Variants in WDR43 observed in about 807,000 individuals in gnomAD.
WDR43 encodes the protein WD repeat domain 43, also known as WD repeat-containing protein 43.
In WDR43, 13 loss-of-function variants were observed where a neutral mutation model predicts 91.4. The observed-to-expected ratio is 0.14, with a 90% confidence interval of 0.09 to 0.23. The LOEUF (loss-of-function observed/expected upper bound fraction) is 0.23, where lower values mean the gene tolerates loss of function less well. Among genes scored for constraint, WDR43 ranks in the 10% least tolerant of loss-of-function variants. The pLI is 1.00. For synonymous variants in WDR43, 331 were observed against 287.9 expected (o/e 1.15, Z -1.51); for missense variants, 780 against 809.4 (o/e 0.96, Z 0.44).
rs1185110353 is a variant in WDR43, at chr2:28,894,691, G to A, written c.-8G>A. The stretch of plus-strand genomic sequence containing the variant: ...CGAACACGTGGCTGCAGCGGGGCCA[G>A]AGCAGCAATGGCGGCGGGCGGCGGC... On this transcript the variant is annotated 5_prime_UTR_variant, in exon 1 of 18. Coordinates refer to ENST00000407426, the MANE Select transcript of WDR43 (RefSeq NM_015131.3). 4.5e-6 allele frequency: 7 copies of A among 1,556,932 alleles called. No individual in the cohort carries two copies. The highest frequency in any genetic ancestry group is 1.7e-6 in the Non-Finnish European group (2 of 1,150,794).
At chr2:28,942,477 C>A in intron 16 of WDR43, 96 bp downstream of exon 16, 1 of 1,319,540 alleles carries the variant, frequency 7.6e-7, no homozygotes, top group Admixed American at 2.1e-5. Context: ...AACATAAGAT[C>A]TTCCTTTGGC....
intron 1 of WDR43, 61 bp downstream of exon 1, chr2:28,894,984 G>A (rs1670447695): frequency 7.1e-7 from 1 of 1,417,776 alleles, no homozygotes; most frequent in Admixed American, 2.9e-5. Context: ...GGGCCTCCGG[G>A]CCGGGTGGCG....
chr2:28,913,613 T>G (rs1215199038), intron 4 of WDR43: 3 of 517,020 alleles, frequency 5.8e-6, no homozygotes, highest in African/African-American at 5.8e-5. Context: ...GATTTAGTAT[T>G]ATATTTTTGG....
intron 3 of WDR43, among the ~76,000 whole-genome samples, chr2:28,908,030 CAGAT>C (rs1054495685): frequency 6.6e-6 from 1 of 152,176 alleles, no homozygotes; most frequent in Non-Finnish European, 1.5e-5. Context: ...GCAGAGAAGG[CAGAT>C]AGATTGTTAC....
chr2:28,899,915 A>G (rs993625489), intron 1 of WDR43, among the ~76,000 whole-genome samples: 1 of 152,240 alleles, frequency 6.6e-6, no homozygotes, highest in African/African-American at 2.4e-5. Flanking sequence ...AAAGTTGGTC[A>G]TAAATGCTGT....
At chr2:28,901,099 C>T (rs1184376105) in intron 1 of WDR43, among the ~76,000 whole-genome samples, 1 of 152,090 alleles carries the variant, frequency 6.6e-6, no homozygotes, top group Non-Finnish European at 1.5e-5. Flanking sequence ...AGAAGATATT[C>T]TCTTTTCTAT....
At chr2:28,917,306 A>G (rs1470609789) in intron 5 of WDR43, among the ~76,000 whole-genome samples, 2 of 152,324 alleles carry the variant, frequency 1.3e-5, no homozygotes, top group Admixed American at 6.5e-5. Flanking sequence ...CTTTGCAAAT[A>G]AGGAATCCAT....
At position 28,894,796 on chromosome 2, in the gene WDR43, C is replaced by G. The variant is rs1191600651; in HGVS notation, c.98C>G (p.Ser33Cys). 6.2e-7 allele frequency: 1 copy of G among 1,609,954 alleles called. No homozygotes were observed. The highest frequency in any genetic ancestry group is 8.5e-7 in the Non-Finnish European group (1 of 1,178,368). Residue 33 changes from serine to cysteine, a missense_variant, in exon 1 of 18, where the codon TCT becomes TGT. Transcript: ENST00000407426. ...PHSQAYFALA[S>C]TDGHLRVWET... ...AGCCAGGCCTACTTCGCTTTGGCCT[C>G]TACCGACGGTCACTTACGAGTATGG...
At position 28,914,121 on chromosome 2, in the gene WDR43, G is replaced by A; in HGVS notation, c.659G>A (p.Arg220Lys). The stretch of plus-strand genomic sequence containing the variant: ...TCGTCACTGATGTTCACTACCATCA[G>A]ACCTCCTAATGAGAGCCAGCCCTTT... ...PVSSLMFTTI[R>K]PPNESQPFDG... Residue 220 changes from arginine (R) to lysine (K), a missense_variant, in exon 5 of 18, where the codon AGA (arginine) becomes AAA (lysine). Arg to Lys is a conservative substitution (Grantham distance 26). Transcript: ENST00000407426. The A allele has an allele frequency of 6.2e-7, 1 of 1,613,960 alleles. No individual in the cohort carries two copies. Among genetic ancestry groups the A allele is most frequent in the Non-Finnish European group, 8.5e-7 (1 of 1,179,872 alleles).
chr2:28,939,797 G>T (rs1403103805), intron 14 of WDR43, among the ~76,000 whole-genome samples: 1 of 152,138 alleles, frequency 6.6e-6, no homozygotes, highest in Non-Finnish European at 1.5e-5. Context: ...AGGAGTGCAG[G>T]TAAAGGCTAA....
At chr2:28,913,803 G>T in intron 4 of WDR43, 1 of 641,026 alleles carries the variant, frequency 1.6e-6, no homozygotes. Context: ...ATTCAAGAAT[G>T]TAAGAAACAA....
intron 6 of WDR43, among the ~76,000 whole-genome samples, chr2:28,920,176 T>C (rs973161487): frequency 2.0e-5 from 3 of 151,490 alleles, no homozygotes; most frequent in African/African-American, 7.3e-5. Context: ...GAGATTGATT[T>C]AACTTGAAGT....
At chr2:28,919,435 G>A (rs756292927) in intron 6 of WDR43, among the ~76,000 whole-genome samples, 7 of 152,108 alleles carry the variant, frequency 4.6e-5, no homozygotes, top group Non-Finnish European at 1.0e-4. Context: ...TTGGGAGGCC[G>A]AGGCAGGTGG....
chr2:28,912,367 C>G (rs562100592), intron 3 of WDR43, among the ~76,000 whole-genome samples: 1 of 152,216 alleles, frequency 6.6e-6, no homozygotes, highest in South Asian at 2.1e-4. Flanking sequence ...CCATGCCTGC[C>G]AAAGGGAGAT....
chr2:28,904,583 T>C (rs1479048608), intron 2 of WDR43, among the ~76,000 whole-genome samples: 1 of 152,178 alleles, frequency 6.6e-6, no homozygotes, highest in Non-Finnish European at 1.5e-5. Context: ...AAATGCCACT[T>C]TGTTTTGGTT....
chr2:28,933,052 G>T (rs1380459998), intron 11 of WDR43, among the ~76,000 whole-genome samples: 2 of 152,090 alleles, frequency 1.3e-5, no homozygotes, highest in Non-Finnish European at 2.9e-5. Context: ...TTGGGGTCAA[G>T]AATTCTCCCC....
chr2:28,926,642 G>T (rs1671149035), intron 9 of WDR43, 88 bp downstream of exon 9: 7 of 1,139,848 alleles, frequency 6.1e-6, no homozygotes, highest in Admixed American at 2.7e-5. Context: ...ATTAAACTGA[G>T]TTTTTTATTC....
intron 14 of WDR43, among the ~76,000 whole-genome samples, chr2:28,940,373 G>T (rs536935261): frequency 6.6e-6 from 1 of 152,158 alleles, no homozygotes; most frequent in South Asian, 2.1e-4. Flanking sequence ...GGGATTACAG[G>T]CACATGCCAC....
intron 2 of WDR43, among the ~76,000 whole-genome samples, chr2:28,906,223 C>T (rs1401517793): frequency 6.6e-6 from 1 of 152,094 alleles, no homozygotes; most frequent in African/African-American, 2.4e-5. Flanking sequence ...ACATGGTCGC[C>T]TCTATTTGCC....
Sources: allele counts gnomAD v4.1 joint callset (sites outside exome capture counted in the v4.1 genomes callset), GRCh38; gene constraint gnomAD v4.1.1; transcripts MANE v1.5; gene names NCBI Gene and HGNC (gene_info 2026-07-23, HGNC 2026-07-21).